The following LNX1 variants were observed in gnomAD, a reference collection of about 807,000 sequenced individuals.
The protein encoded by LNX1 is E3 ubiquitin-protein ligase LNX.
Under a neutral mutation model 68.4 loss-of-function variants are expected in LNX1, and 54 were observed. That is an observed-to-expected ratio of 0.79 (90% CI 0.63 to 0.99). The LOEUF is 0.99. LNX1 is among the 50% of genes least tolerant of loss of function. The pLI is 0.00. For synonymous variants in LNX1, 336 were observed against 350.0 expected, an observed-to-expected ratio of 0.96 and a Z score of 0.45; for missense variants, 906 against 926.4, an observed-to-expected ratio of 0.98 and a Z score of 0.29.
intron 5 of LNX1, among the ~76,000 whole-genome samples, chr4:53,498,200 T>C (rs1725205926): frequency 1.3e-5 from 2 of 152,162 alleles, no homozygotes; most frequent in Admixed American, 1.3e-4. Flanking sequence ...AGTAGATGAT[T>C]GTGATTAAAT....
chr4:53,468,218 C>G (rs1257679318), intron 9 of LNX1, among the ~76,000 whole-genome samples: 1 of 152,138 alleles, frequency 6.6e-6, no homozygotes, highest in Non-Finnish European at 1.5e-5. Flanking sequence ...ATTTTCAACC[C>G]AGAATTTCAT....
At chr4:53,479,247 A>G (rs1010371416) in intron 7 of LNX1, among the ~76,000 whole-genome samples, 1 of 152,204 alleles carries the variant, frequency 6.6e-6, no homozygotes, top group African/African-American at 2.4e-5. Flanking sequence ...CAAGTGAGTC[A>G]TTTATTCCTG....
intron 1 of LNX1, among the ~76,000 whole-genome samples, chr4:53,648,390 A>G (rs1734970552): frequency 6.6e-6 from 1 of 152,176 alleles, no homozygotes; most frequent in Non-Finnish European, 1.5e-5. Context: ...TGTGCTTATT[A>G]GCCATTTATA....
chr4:53,599,111 G>A (rs182409161), intron 2 of LNX1, among the ~76,000 whole-genome samples: 4 of 152,314 alleles, frequency 2.6e-5, no homozygotes, highest in Admixed American at 2.0e-4. Context: ...TGAGTGGCAT[G>A]TGAACCAGGG....
chr4:53,534,622 A>G (rs1018733894), intron 2 of LNX1, among the ~76,000 whole-genome samples: 6 of 152,210 alleles, frequency 3.9e-5, no homozygotes, highest in African/African-American at 1.4e-4. Flanking sequence ...AGTCTGGGTA[A>G]CAGAGCAACA....
chr4:53,469,933 T>C (rs1430240029), intron 9 of LNX1, among the ~76,000 whole-genome samples: 1 of 152,198 alleles, frequency 6.6e-6, no homozygotes, highest in African/African-American at 2.4e-5. Flanking sequence ...CTGGTACCAT[T>C]CCTTCTGAAA....
At chr4:53,553,299 G>C (rs2109707439) in intron 2 of LNX1, among the ~76,000 whole-genome samples, 1 of 152,244 alleles carries the variant, frequency 6.6e-6, no homozygotes, top group Non-Finnish European at 1.5e-5. Flanking sequence ...CGGATCCCCT[G>C]GGGAGTTTGT....
chr4:53,582,441 A>G (rs1731893358), intron 1 of LNX1, among the ~76,000 whole-genome samples: 1 of 152,242 alleles, frequency 6.6e-6, no homozygotes, highest in Non-Finnish European at 1.5e-5. Context: ...TTTCATGAGT[A>G]CATAAGCGAG....
chr4:53,499,669 C>G (rs1725339102), intron 4 of LNX1, among the ~76,000 whole-genome samples: 1 of 152,166 alleles, frequency 6.6e-6, no homozygotes, highest in Non-Finnish European at 1.5e-5. Flanking sequence ...ACCAATTTGC[C>G]ACTTTGCCCT....
chr4:53,605,199 C>CA (rs1733179879), intron 2 of LNX1, among the ~76,000 whole-genome samples: 1 of 152,084 alleles, frequency 6.6e-6, no homozygotes, highest in Non-Finnish European at 1.5e-5. Flanking sequence ...CATTGAAGAG[C>CA]ATGTGGAATG....
intron 2 of LNX1, among the ~76,000 whole-genome samples, chr4:53,613,821 C>T (rs1733586308): frequency 6.6e-6 from 1 of 152,152 alleles, no homozygotes; most frequent in African/African-American, 2.4e-5. Flanking sequence ...TGGGTATATA[C>T]CCAGTAATGG....
At chr4:53,575,128 C>T (rs1250123910) in intron 1 of LNX1, among the ~76,000 whole-genome samples, 13 of 151,988 alleles carry the variant, frequency 8.6e-5, no homozygotes, top group Admixed American at 1.3e-4. Flanking sequence ...ATTACAGGCG[C>T]GCGCCACCAT....
At chr4:53,600,710 TTTTTTA>T (rs144948760) in intron 2 of LNX1, among the ~76,000 whole-genome samples, 17,706 of 150,656 alleles carry the variant, frequency 0.12, 1,123 homozygotes, top group Non-Finnish European at 0.14. Context: ...CGGCCTCTGT[TTTTTTA>T]TTTTTATTTT....
At chr4:53,615,674 G>A (rs1278970155) in intron 2 of LNX1, among the ~76,000 whole-genome samples, 1 of 152,096 alleles carries the variant, frequency 6.6e-6, no homozygotes, top group Non-Finnish European at 1.5e-5. Context: ...GAAGTGGTTG[G>A]TAATACAACC....
chr4:53,565,690 A>T (rs1215290405), intron 2 of LNX1, among the ~76,000 whole-genome samples: 1 of 151,900 alleles, frequency 6.6e-6, no homozygotes, highest in Admixed American at 6.5e-5. Flanking sequence ...TCAGACGATC[A>T]AATTACTCTG....
intron 6 of LNX1, among the ~76,000 whole-genome samples, chr4:53,488,500 T>C (rs1724473254): frequency 6.6e-6 from 1 of 152,214 alleles, no homozygotes; most frequent in South Asian, 2.1e-4. Context: ...ACATGCAGAA[T>C]AGAACCCAGA....
At chr4:53,639,967 G>T (rs1215850357) in intron 1 of LNX1, among the ~76,000 whole-genome samples, 1 of 152,144 alleles carries the variant, frequency 6.6e-6, no homozygotes, top group African/African-American at 2.4e-5. Context: ...CAGAGGCAGA[G>T]GTTGCAGTGA....
At chr4:53,635,513 G>A (rs1734437534) in intron 1 of LNX1, among the ~76,000 whole-genome samples, 1 of 151,936 alleles carries the variant, frequency 6.6e-6, no homozygotes, top group South Asian at 2.1e-4. Flanking sequence ...AGTCCATTTG[G>A]TATTAATATA....
chr4:53,639,797 C>T (rs553541763), intron 1 of LNX1, among the ~76,000 whole-genome samples: 6 of 152,126 alleles, frequency 3.9e-5, no homozygotes, highest in African/African-American at 7.2e-5. Context: ...TTTGGGAGGC[C>T]GAGGCGGGTG....
Sources: allele counts gnomAD v4.1 joint callset (sites outside exome capture counted in the v4.1 genomes callset), GRCh38; gene constraint gnomAD v4.1.1; transcripts MANE v1.5; gene names NCBI Gene and HGNC (gene_info 2026-07-23, HGNC 2026-07-21).